The following STARD13 variants were observed in gnomAD, a reference collection of about 807,000 sequenced individuals.
The protein encoded by STARD13 is StAR related lipid transfer domain containing 13.
STARD13 carries 62 observed loss-of-function variants against 106.4 expected under a neutral mutation model. The ratio of observed to expected loss-of-function variants is 0.58; its 90% CI spans 0.48 to 0.72. The LOEUF (loss-of-function observed/expected upper bound fraction) is 0.72, where lower values mean the gene tolerates loss of function less well. Among genes scored for constraint, STARD13 ranks in the 30% least tolerant of loss-of-function variants. The pLI is 0.00. For synonymous variants in STARD13, 565 were observed against 553.0 expected (o/e 1.02, Z -0.31); for missense variants, 1,387 against 1,424.0 (o/e 0.97, Z 0.42).
the STARD13 span, among the ~76,000 whole-genome samples, chr13:33,621,812 CTTTTTTTTTTG>C: frequency 7.0e-6 from 1 of 143,006 alleles, no homozygotes; most frequent in African/African-American, 2.6e-5. Flanking sequence ...ATTTTTTTTT[CTTTTTTTTTTG>C]GACGAAGTCT....
chr13:33,573,485 A>G, the STARD13 span, among the ~76,000 whole-genome samples: 3 of 152,198 alleles, frequency 2.0e-5, no homozygotes, highest in East Asian at 5.8e-4. Flanking sequence ...AAGGCTAGGG[A>G]TCCTGGTGGA....
the STARD13 span, among the ~76,000 whole-genome samples, chr13:33,650,437 G>A: frequency 6.6e-6 from 1 of 151,502 alleles, no homozygotes; most frequent in East Asian, 1.9e-4. Context: ...TGATCCGCCC[G>A]CCTCGGCCTC....
At chr13:33,367,305 T>C in the STARD13 span, among the ~76,000 whole-genome samples, 4 of 152,342 alleles carry the variant, frequency 2.6e-5, no homozygotes, top group East Asian at 5.8e-4. Context: ...TTATTTCTAA[T>C]AAAGCACACA....
At chr13:33,660,556 A>T in the STARD13 span, among the ~76,000 whole-genome samples, 1 of 152,306 alleles carries the variant, frequency 6.6e-6, no homozygotes, top group Non-Finnish European at 1.5e-5. Context: ...GAGGTAGGAC[A>T]CTAAGTAACT....
downstream of STARD13, among the ~76,000 whole-genome samples, chr13:33,344,251 T>A (rs1028318682): frequency 3.3e-5 from 5 of 152,324 alleles, no homozygotes; most frequent in Non-Finnish European, 5.9e-5. Context: ...CTGATATAAG[T>A]GATGTGCTCT....
chr13:33,177,749 A>G lies in STARD13; in HGVS notation c.170-10127T>C, dbSNP rs1040278424. 5.8e-5 allele frequency among the ~76,000 whole-genome samples: 5 copies of G among 86,806 alleles called. 1 individual carries two copies. Among genetic ancestry groups the G allele is most frequent in the Non-Finnish European group, 8.0e-5 (3 of 37,540 alleles). 56.9% of individuals were successfully genotyped at this position (86,806 alleles called of 152,430 possible). A position where few individuals can be genotyped will look rare whatever the true frequency, so the allele number is the denominator to read the frequency against. On this transcript the variant is annotated intron_variant, in intron 1 of 13. Transcript: ENST00000336934. Reference sequence around the variant, plus strand: ...GAGAAAGGGAGGGAGGAAGGAAGGAAAAAAGGAAGGAAGGAAGGAAAGGAA... The same window carrying G: ...GAGAAAGGGAGGGAGGAAGGAAGGAGAAAAGGAAGGAAGGAAGGAAAGGAA...
At chr13:33,199,600 G>C (rs1431811060) in intron 1 of STARD13, among the ~76,000 whole-genome samples, 1 of 152,236 alleles carries the variant, frequency 6.6e-6, no homozygotes, top group Non-Finnish European at 1.5e-5. Context: ...GCCTGCCACA[G>C]AGAGGTCACT....
the STARD13 span, chr13:33,661,146 T>G: frequency 2.6e-5 from 4 of 152,222 alleles, no homozygotes; most frequent in African/African-American, 7.2e-5. Flanking sequence ...ACTCAAAGAA[T>G]AGGATCTCAT....
chr13:33,627,422 A>G, the STARD13 span, among the ~76,000 whole-genome samples: 1 of 151,992 alleles, frequency 6.6e-6, no homozygotes, highest in Admixed American at 6.6e-5. Context: ...GTGGATCACG[A>G]GGTCAGGAGT....
Position 33,105,439 on chromosome 13 carries a change from A to G in STARD13, c.*154T>C, listed in dbSNP as rs951865411. 14 of 589,090 alleles carry G rather than the reference A, an allele frequency of 2.4e-5. No individual in the cohort carries two copies. Among genetic ancestry groups the G allele is most frequent in the East Asian group, 1.4e-4 (5 of 36,814 alleles). The allele number at this position is 589,090 out of a possible 1,614,324, so 36.5% of individuals were successfully genotyped here. ...TAAGAAAGTTCTTGGAAATTCTTGC[A>G]TCTCCAACATTCCAACTTCTTAACG... is the stretch of plus-strand genomic sequence containing the variant. On this transcript the variant is annotated 3_prime_UTR_variant, in exon 14 of 14. Coordinates refer to ENST00000336934, the MANE Select transcript of STARD13 (RefSeq NM_178006.4).
chr13:33,106,147 C>T (rs376466104), intron 13 of STARD13, among the ~76,000 whole-genome samples: 8 of 152,300 alleles, frequency 5.3e-5, no homozygotes, highest in African/African-American at 1.7e-4. Context: ...TGGTCGAGCA[C>T]GGTGGCTCAT....
chr13:33,378,826 T>C, the STARD13 span, among the ~76,000 whole-genome samples: 1 of 148,426 alleles, frequency 6.7e-6, no homozygotes, highest in African/African-American at 2.5e-5. Context: ...AAAAGAAACA[T>C]AGGCTGGGCG....
At chr13:33,277,594 G>C (rs1891514046) in intron 1 of STARD13, 1 of 152,122 alleles carries the variant, frequency 6.6e-6, no homozygotes. Flanking sequence ...CTTCTTTCCT[G>C]TGGGGCAGTG....
In STARD13 at chr13:33,129,647, T is replaced by C; in HGVS notation, c.1030A>G (p.Ser344Gly). The C allele has an allele frequency of 6.2e-7, 1 of 1,613,946 alleles. No individual in the cohort carries two copies. The highest frequency in any genetic ancestry group is 1.1e-5 in the South Asian group (1 of 91,084). The change falls in exon 5 of 14, where the codon AGC becomes GGC. Residue 344 changes from serine to glycine, a missense_variant. Ser to Gly is a moderately conservative substitution (Grantham distance 56). Transcript: ENST00000336934. ...SPSEHSSSGV[S>G]TPCLKERKCH... is the part of the protein sequence containing the mutation. ...TTGCGTTCCTTCAGGCAGGGCGTGC[T>C]CACCCCGCTGCTGCTGTGCTCCGAC...
At chr13:33,310,651 A>G (rs1259552038) in intron 1 of STARD13, among the ~76,000 whole-genome samples, 1 of 152,182 alleles carries the variant, frequency 6.6e-6, no homozygotes, top group East Asian at 1.9e-4. Flanking sequence ...AATTCAATAT[A>G]TATATTGAAT....
chr13:33,456,172 A>C, the STARD13 span, among the ~76,000 whole-genome samples: 1 of 151,998 alleles, frequency 6.6e-6, no homozygotes. Flanking sequence ...GGTGGCTTAA[A>C]CGACAGAATT....
rs554498432 is a variant in STARD13 at position 33,126,316 on chromosome 13, G to A, written c.1923-76C>T. 4.4e-5 allele frequency: 64 copies of A among 1,451,144 alleles called. No individual in the cohort carries two copies. In the South Asian group the frequency reaches 6.3e-4, roughly 14 times the overall value. 89.9% of individuals were successfully genotyped at this position (1,451,144 alleles called of 1,614,324 possible). ...GGTGAGGCTCTGGAAGCAAGCATGA[G>A]GGAAGCCAGGCTTTTGTTGGAATAC... is the stretch of plus-strand genomic sequence containing the variant. On this transcript the variant is annotated intron_variant, in intron 6 of 13. Coordinates refer to ENST00000336934, the MANE Select transcript of STARD13 (RefSeq NM_178006.4).
the STARD13 span, among the ~76,000 whole-genome samples, chr13:33,659,432 T>C: frequency 0.075 from 11,425 of 152,206 alleles, 743 homozygotes; most frequent in Admixed American, 0.2. Flanking sequence ...GCCAGGATGG[T>C]CTCAATCTCC....
chr13:33,648,783 CTTTTTTTTTTTTTTT>C, the STARD13 span, among the ~76,000 whole-genome samples: 1 of 77,010 alleles, frequency 1.3e-5, no homozygotes, highest in African/African-American at 5.9e-5. Flanking sequence ...TTTTCTCTTT[CTTTTTTTTTTTTTTT>C]TTTTTTTTTT....
Sources: gnomAD v4.1 joint callset for allele counts (sites outside exome capture counted in the v4.1 genomes callset) on GRCh38, gnomAD v4.1.1 for gene constraint, MANE v1.5 for transcripts, NCBI Gene and HGNC (gene_info 2026-07-23, HGNC 2026-07-21) for gene names.